The following BRD10 variants were observed in gnomAD, a reference collection of about 807,000 sequenced individuals.
BRD10 encodes bromodomain containing 10, also known as uncharacterized bromodomain-containing protein 10.
the BRD10 span, among the ~76,000 whole-genome samples, chr9:5,880,556 C>T: frequency 6.6e-6 from 1 of 152,062 alleles, no homozygotes; most frequent in Non-Finnish European, 1.5e-5. Context: ...CAAAAAAACA[C>T]TGAAGTTCTT....
the BRD10 span, among the ~76,000 whole-genome samples, chr9:6,001,321 C>A: frequency 1.1e-4 from 15 of 133,786 alleles, no homozygotes; most frequent in South Asian, 3.6e-3. Context: ...ACGTTACTCC[C>A]TTAGTCGCAA....
At chr9:5,891,195 C>T in the BRD10 span, 8 of 152,342 alleles carry the variant, frequency 5.3e-5, no homozygotes, top group African/African-American at 1.4e-4. Context: ...AGCAGCCTCC[C>T]TGAGGTAGAT....
At chr9:5,987,717 C>T in the BRD10 span, among the ~76,000 whole-genome samples, 5 of 152,162 alleles carry the variant, frequency 3.3e-5, no homozygotes, top group Admixed American at 1.3e-4. Context: ...TAACATAGTT[C>T]GCAATTTGAT....
the BRD10 span, among the ~76,000 whole-genome samples, chr9:5,996,549 T>C: frequency 6.6e-6 from 1 of 152,160 alleles, no homozygotes; most frequent in Non-Finnish European, 1.5e-5. Context: ...CAGGCTGGTC[T>C]CAAACTCCCG....
the BRD10 span, among the ~76,000 whole-genome samples, chr9:5,949,441 C>G: frequency 6.6e-6 from 1 of 152,160 alleles, no homozygotes; most frequent in South Asian, 2.1e-4. Flanking sequence ...TGTTGCAGTA[C>G]TTTATTTCTT....
the BRD10 span, among the ~76,000 whole-genome samples, chr9:5,884,943 A>G: frequency 2.0e-5 from 3 of 152,144 alleles, no homozygotes; most frequent in Non-Finnish European, 4.4e-5. Flanking sequence ...GAGCCCGGGA[A>G]CTGATGAAGC....
chr9:5,944,496 C>T, the BRD10 span, among the ~76,000 whole-genome samples: 3 of 151,930 alleles, frequency 2.0e-5, no homozygotes, highest in Non-Finnish European at 4.4e-5. Flanking sequence ...TTATGTTACA[C>T]TGAATTAAAA....
chr9:5,996,492 T>C, the BRD10 span, among the ~76,000 whole-genome samples: 2 of 152,114 alleles, frequency 1.3e-5, no homozygotes, highest in African/African-American at 4.8e-5. Flanking sequence ...CTAATTTTTG[T>C]ATGTTTAGTA....
At chr9:5,906,854 AC>A in the BRD10 span, 1 of 1,379,184 alleles carries the variant, frequency 7.3e-7, no homozygotes, top group African/African-American at 1.5e-5. Flanking sequence ...ACTTCTTCTC[AC>A]CCACTCACCT....
At chr9:5,889,573 T>C in the BRD10 span, among the ~76,000 whole-genome samples, 1 of 152,116 alleles carries the variant, frequency 6.6e-6, no homozygotes, top group Admixed American at 6.6e-5. Flanking sequence ...GATCATGAGG[T>C]CAGGAGATCG....
At chr9:5,954,347 ATACGG>A in the BRD10 span, among the ~76,000 whole-genome samples, 19 of 152,240 alleles carry the variant, frequency 1.2e-4, no homozygotes, top group Admixed American at 1.2e-3. Flanking sequence ...CCAATGTGTT[ATACGG>A]TAGAATCTAC....
chr9:6,008,451 A>G, the BRD10 span, among the ~76,000 whole-genome samples: 6 of 151,572 alleles, frequency 4.0e-5, no homozygotes, highest in Non-Finnish European at 5.9e-5. Context: ...GCAAAGAAAG[A>G]GGCCCTGTCG....
chr9:5,882,849 G>C, the BRD10 span, among the ~76,000 whole-genome samples: 1 of 152,176 alleles, frequency 6.6e-6, no homozygotes, highest in South Asian at 2.1e-4. Flanking sequence ...ATGAGTTCAT[G>C]TCCTTTGTAG....
the BRD10 span, among the ~76,000 whole-genome samples, chr9:5,949,657 T>C: frequency 1.3e-5 from 2 of 152,170 alleles, no homozygotes; most frequent in Non-Finnish European, 2.9e-5. Flanking sequence ...GATTTTTTTT[T>C]GGTTATTGTT....
the BRD10 span, among the ~76,000 whole-genome samples, chr9:5,978,782 C>A: frequency 3.3e-5 from 5 of 152,274 alleles, no homozygotes; most frequent in African/African-American, 1.2e-4. Flanking sequence ...CCTGGAACAA[C>A]CAGAAACTCC....
chr9:5,955,654 A>G, the BRD10 span, among the ~76,000 whole-genome samples: 3 of 152,208 alleles, frequency 2.0e-5, no homozygotes, highest in Non-Finnish European at 4.4e-5. Context: ...GCTGAGGTTC[A>G]CAGGGGTTTA....
chr9:5,880,113 G>GTTTCA, the BRD10 span, among the ~76,000 whole-genome samples: 72 of 152,020 alleles, frequency 4.7e-4, no homozygotes, highest in Middle Eastern at 0.017. Flanking sequence ...TAGAGACAGG[G>GTTTCA]TTTCACCATG....
the BRD10 span, chr9:5,988,469 A>G: frequency 2.5e-6 from 4 of 1,613,948 alleles, no homozygotes; most frequent in Admixed American, 1.7e-5. Flanking sequence ...GTTGAGGTAC[A>G]TGCAGTTCCC....
At chr9:5,926,210 C>T in the BRD10 span, among the ~76,000 whole-genome samples, 16 of 152,296 alleles carry the variant, frequency 1.1e-4, no homozygotes, top group East Asian at 2.7e-3. Context: ...ATCACTGCGC[C>T]TGGCCATGTT....
Sources: allele counts gnomAD v4.1 joint callset (sites outside exome capture counted in the v4.1 genomes callset), GRCh38; gene constraint gnomAD v4.1.1; transcripts MANE v1.5; gene names NCBI Gene and HGNC (gene_info 2026-07-23, HGNC 2026-07-21).